The following INVS variants were observed in gnomAD, a reference collection of about 807,000 sequenced individuals.
The protein encoded by INVS is inversion of embryo turning homolog.
In INVS, 86 loss-of-function variants were observed where a neutral mutation model predicts 108.8. The observed-to-expected ratio is 0.79, with a 90% CI of 0.66 to 0.95. INVS has a LOEUF of 0.95. INVS is among the 40% of genes least tolerant of loss of function. The pLI, the probability that INVS is intolerant of heterozygous loss-of-function variation, is 0.00. For missense variants in INVS, 1,169 were observed against 1,297.4 expected (o/e 0.90, Z 1.52); for synonymous variants, 455 against 473.5 (o/e 0.96, Z 0.51).
chr9:100,187,727 A>G (rs1830096775), intron 3 of INVS, among the ~76,000 whole-genome samples: 1 of 151,936 alleles, frequency 6.6e-6, no homozygotes, highest in East Asian at 1.9e-4. Flanking sequence ...AGGTTTCACC[A>G]TGTTGGCCAG....
At chr9:100,256,354 TA>T (rs970083947) in intron 10 of INVS, among the ~76,000 whole-genome samples, 2 of 151,992 alleles carry the variant, frequency 1.3e-5, no homozygotes, top group East Asian at 1.9e-4. Flanking sequence ...GTTGATCTTT[TA>T]AAAAAAACCA....
At chr9:100,182,804 ATT>A (rs1184837770) in intron 3 of INVS, among the ~76,000 whole-genome samples, 40 of 152,310 alleles carry the variant, frequency 2.6e-4, no homozygotes, top group Admixed American at 2.1e-3. Context: ...ATTATAAATC[ATT>A]CTACGATAAA....
At chr9:100,192,027 G>A (rs971909432) in intron 3 of INVS, among the ~76,000 whole-genome samples, 2 of 152,144 alleles carry the variant, frequency 1.3e-5, no homozygotes, top group Non-Finnish European at 2.9e-5. Context: ...CTTGGTGTGT[G>A]AGCAGGTTCA....
At chr9:100,193,417 C>T (rs893496642) in intron 3 of INVS, among the ~76,000 whole-genome samples, 1 of 152,182 alleles carries the variant, frequency 6.6e-6, no homozygotes, top group African/African-American at 2.4e-5. Flanking sequence ...AGCACATTCA[C>T]AGCATTGTGC....
chr9:100,163,991 G>A (rs1218267841), intron 3 of INVS, among the ~76,000 whole-genome samples: 1 of 152,174 alleles, frequency 6.6e-6, no homozygotes, highest in African/African-American at 2.4e-5. Context: ...TGTTGAGGAT[G>A]GACTGTCAAA....
chr9:100,187,525 C>CTTTTTTTTTTTTTTTTTTTTTTT lies in INVS; in HGVS notation c.274-38518_274-38517insTTTTTTTTTTTTTTTTTTTTTTT, dbSNP rs34728274. On this transcript the variant is annotated intron_variant, in intron 3 of 16. Transcript: ENST00000262457. ...CATTTGTTTGTATCATCTATGATTT[C>CTTTTTTTTTTTTTTTTTTTTTTT]TTTTTTTTTTTTTTTTTTTGAGACA... Among the ~76,000 whole-genome samples the CTTTTTTTTTTTTTTTTTTTTTTT allele has an allele frequency of 7.2e-4, 76 of 105,556 alleles. 6 individuals are homozygous for CTTTTTTTTTTTTTTTTTTTTTTT. Among genetic ancestry groups the CTTTTTTTTTTTTTTTTTTTTTTT allele is most frequent in the African/African-American group, 1.1e-3 (26 of 22,702 alleles). 69.2% of individuals were successfully genotyped at this position (105,556 alleles called of 152,430 possible).
At chr9:100,134,381 T>A (rs1417614588) in intron 3 of INVS, among the ~76,000 whole-genome samples, 4 of 152,236 alleles carry the variant, frequency 2.6e-5, no homozygotes, top group Non-Finnish European at 1.5e-5. Context: ...ATTTTGCTAT[T>A]GTGAATTGTG....
Position 100,129,577 on chromosome 9 carries a change from C to G in INVS, c.273+3028C>G, listed in dbSNP as rs1827994461. 3 of 520,830 alleles carry G rather than the reference C, an allele frequency of 5.8e-6. No individual in the cohort carries two copies. In the Admixed American group the frequency reaches 9.7e-5, roughly 17 times the overall value. 32.3% of individuals were successfully genotyped at this position (520,830 alleles called of 1,614,324 possible). On this transcript the variant is annotated intron_variant, in intron 3 of 16. Transcript: ENST00000262457. ...AGAAACCAACAAGACACTTTCATAA[C>G]TAGGCATCAATTCTGGCCATAATGG...
intron 3 of INVS, among the ~76,000 whole-genome samples, chr9:100,155,368 G>A (rs111568058): frequency 0.046 from 6,992 of 151,984 alleles, 256 homozygotes; most frequent in Middle Eastern, 0.13. Context: ...ATGGAGTCTC[G>A]CTCTTTCACC....
intron 2 of INVS, among the ~76,000 whole-genome samples, chr9:100,115,182 T>A (rs1441521979): frequency 6.6e-6 from 1 of 152,204 alleles, no homozygotes; most frequent in Non-Finnish European, 1.5e-5. Context: ...ATAGGTTAAG[T>A]TTACATTTCC....
intron 3 of INVS, among the ~76,000 whole-genome samples, chr9:100,212,195 G>A (rs1830851584): frequency 6.6e-6 from 1 of 152,134 alleles, no homozygotes; most frequent in Non-Finnish European, 1.5e-5. Flanking sequence ...AATTATCTAA[G>A]CATACAAGAA....
intron 3 of INVS, among the ~76,000 whole-genome samples, chr9:100,137,329 C>T (rs1828260223): frequency 6.6e-6 from 1 of 152,126 alleles, no homozygotes; most frequent in Admixed American, 6.5e-5. Context: ...CTCACACCTC[C>T]CCAGACCCTA....
At chr9:100,289,870 G>A (rs963452672) in intron 13 of INVS, among the ~76,000 whole-genome samples, 2 of 152,198 alleles carry the variant, frequency 1.3e-5, no homozygotes, top group Admixed American at 6.5e-5. Flanking sequence ...CAACTTATTT[G>A]AGTAAATATA....
At chr9:100,261,359 G>A (rs1258642773) in intron 10 of INVS, among the ~76,000 whole-genome samples, 3 of 149,706 alleles carry the variant, frequency 2.0e-5, no homozygotes, top group Admixed American at 6.7e-5. Flanking sequence ...TCCACCTCCC[G>A]GGTTCGCGCC....
At chr9:100,119,794 G>A (rs1564120995) in intron 2 of INVS, among the ~76,000 whole-genome samples, 1 of 152,200 alleles carries the variant, frequency 6.6e-6, no homozygotes. Context: ...TCCTGATCTG[G>A]TGATCTGCCC....
rs575550342 is a variant in INVS at position 100,199,057 on chromosome 9, T to C, written c.274-27005T>C. Among the ~76,000 whole-genome samples the C allele has an allele frequency of 3.9e-5, 6 of 152,358 alleles. No homozygotes were observed. The South Asian group carries it at 1.0e-3, about 26-fold the overall frequency. ...AAATTTTGATGTTTTTCATCACTAA[T>C]TACATTCACTTGCTCACTTAATTAA... On this transcript the variant is annotated intron_variant, in intron 3 of 16. Coordinates refer to ENST00000262457, the MANE Select transcript of INVS (RefSeq NM_014425.5).
At chr9:100,233,803 T>G (rs2118455974) in intron 5 of INVS, among the ~76,000 whole-genome samples, 1 of 152,346 alleles carries the variant, frequency 6.6e-6, no homozygotes, top group African/African-American at 2.4e-5. Context: ...CGCATTGATG[T>G]TCATCAGGGA....
intron 3 of INVS, among the ~76,000 whole-genome samples, chr9:100,170,467 G>A (rs937463578): frequency 3.3e-5 from 5 of 151,924 alleles, no homozygotes; most frequent in African/African-American, 1.2e-4. Context: ...TTGGGAGGCT[G>A]AGAGGGAGGA....
intron 3 of INVS, among the ~76,000 whole-genome samples, chr9:100,138,718 T>TTTC (rs1338626775): frequency 2.7e-5 from 4 of 147,820 alleles, no homozygotes; most frequent in Admixed American, 2.0e-4. Flanking sequence ...TTTTTTTTTT[T>TTTC]CCTTTCAAGA....
Sources: allele counts gnomAD v4.1 joint callset (sites outside exome capture counted in the v4.1 genomes callset), GRCh38; gene constraint gnomAD v4.1.1; transcripts MANE v1.5; gene names NCBI Gene and HGNC (gene_info 2026-07-23, HGNC 2026-07-21).